Variants in BEST1 observed in about 807,000 individuals in gnomAD.
The protein encoded by BEST1 is bestrophin 1, also known as bestrophin-1.
BEST1 carries 58 observed loss-of-function variants against 63.3 expected under a neutral mutation model. That is an observed-to-expected ratio of 0.92 (90% CI 0.74 to 1.14). The LOEUF is 1.14. BEST1 is among the 50% of genes most tolerant of loss of function. BEST1 has a pLI of 0.00. For missense variants in BEST1, 671 were observed against 740.1 expected (o/e 0.91, Z 1.08); for synonymous variants, 283 against 291.6 (o/e 0.97, Z 0.30).
chr11:61,956,101 C>T (rs1941318287), intron 4 of BEST1, 150 bp downstream of exon 4: 3 of 823,596 alleles, frequency 3.6e-6, no homozygotes, highest in African/African-American at 1.7e-5. Flanking sequence ...ATTTGGGGGT[C>T]CAATTGGGCG....
intron 6 of BEST1, among the ~76,000 whole-genome samples, chr11:61,957,691 G>A (rs1051620148): frequency 7.9e-5 from 12 of 152,128 alleles, no homozygotes; most frequent in African/African-American, 2.7e-4. Flanking sequence ...ATTAAAGAGA[G>A]GTTGGCCGGG....
rs195155 is a variant in BEST1 at position 61,964,062 on chromosome 11, G to T, written c.1740-42G>T. The T allele has an allele frequency of 1, 1,611,649 of 1,613,008 alleles. 805,157 individuals are homozygous for T. The highest frequency in any genetic ancestry group is 1 in the East Asian group (44,881 of 44,882). On this transcript the variant is annotated intron_variant, in intron 10 of 10. Transcript: ENST00000378043. Reference sequence around the variant, plus strand: ...AACATTTTGGTATTTGAAATGAAGGGACCTTCCATACTTATGCTGTTAATA... The same window carrying T: ...AACATTTTGGTATTTGAAATGAAGGTACCTTCCATACTTATGCTGTTAATA...
intron 7 of BEST1, 61 bp downstream of exon 7, chr11:61,958,359 C>T: frequency 6.2e-7 from 1 of 1,612,776 alleles, no homozygotes; most frequent in Non-Finnish European, 8.5e-7. Context: ...TGGCCAGCAG[C>T]TGCCTGAGAC....
At chr11:61,954,694 C>A in intron 2 of BEST1, 2 of 670,244 alleles carry the variant, frequency 3.0e-6, no homozygotes, top group Non-Finnish European at 3.7e-6. Flanking sequence ...AACTCTTGGT[C>A]CTGCCTTAGC....
chr11:61,955,596 G>A, intron 3 of BEST1, 122 bp from the exon 4 acceptor site: 1 of 1,205,240 alleles, frequency 8.3e-7, no homozygotes, highest in African/African-American at 1.5e-5. Context: ...TTCCAGGAGG[G>A]CTGGGGGCTA....
downstream of BEST1, chr11:61,964,569 T>TA (rs1328211190): frequency 2.4e-6 from 2 of 845,628 alleles, no homozygotes; most frequent in Non-Finnish European, 3.8e-6. Context: ...AACACCTGGG[T>TA]ACCAAATTTC....
intron 9 of BEST1, 37 bp downstream of exon 9, chr11:61,960,080 T>G (rs1456800981): frequency 6.3e-7 from 1 of 1,596,756 alleles, no homozygotes; most frequent in Non-Finnish European, 8.5e-7. Flanking sequence ...GGGAAGCCCC[T>G]CCTAGTGCAG....
At chr11:61,955,487 C>A in intron 3 of BEST1, 3 of 1,204,320 alleles carry the variant, frequency 2.5e-6, no homozygotes, top group South Asian at 3.2e-5. Context: ...GGGGGTCTGG[C>A]GGATTTCTGG....
rs1941602345 is a variant in BEST1 at position 61,958,153 on chromosome 11, CTG to C, written c.725_726del (p.Val242GlyfsTer26). 5 of 1,269,646 alleles carry C rather than the reference CTG, an allele frequency of 3.9e-6. No individual in the cohort carries two copies. The highest frequency in any genetic ancestry group is 5.6e-6 in the Non-Finnish European group (5 of 900,324). The allele number at this position is 1,269,646 out of a possible 1,614,324, so 78.6% of individuals were successfully genotyped here. On this transcript the variant is annotated frameshift_variant, in exon 7 of 11. Transcript: ENST00000378043. LOFTEE classifies it high-confidence loss of function. ...TCCTCCTCCTCCTCCCAGGTGGTGACTGTGGCGGTGTACAGCTTCTTCCTGAC... is the reference window on the plus strand; with the variant it reads ...TCCTCCTCCTCCTCCCAGGTGGTGACTGGCGGTGTACAGCTTCTTCCTGAC...
At chr11:61,962,111 G>A (rs1942125641) in intron 9 of BEST1, 144 bp from the exon 10 acceptor site, 8 of 791,524 alleles carry the variant, frequency 1.0e-5, no homozygotes, top group Non-Finnish European at 1.7e-5. Flanking sequence ...TCAGGAGAGA[G>A]GTGAGAGCTG....
intron 9 of BEST1, chr11:61,960,292 G>A (rs2134457755): frequency 1.7e-6 from 1 of 592,862 alleles, no homozygotes; most frequent in South Asian, 2.0e-5. Context: ...CTACCAAATG[G>A]TGCATTTGCT....
intron 3 of BEST1, 72 bp from the exon 4 acceptor site, chr11:61,955,646 G>C (rs924909007): frequency 6.8e-7 from 1 of 1,466,884 alleles, no homozygotes; most frequent in Non-Finnish European, 9.3e-7. Flanking sequence ...CCGAGGCATC[G>C]CCGGGCGCTG....
At chr11:61,965,510 G>C (rs1181871174), downstream of BEST1, 2 of 1,601,142 alleles carry the variant, frequency 1.2e-6, no homozygotes, top group Non-Finnish European at 1.7e-6. Context: ...GGTCAAAGTA[G>C]TAAGACTGAA....
chr11:61,952,085 G>GT (rs1940736569), intron 2 of BEST1, 127 bp downstream of exon 2: 2 of 1,224,696 alleles, frequency 1.6e-6, no homozygotes, highest in Non-Finnish European at 2.4e-6. Flanking sequence ...CTGAGCTCCT[G>GT]ACCAGGTCCT....
At chr11:61,965,444 C>T, downstream of BEST1, 2 of 1,612,478 alleles carry the variant, frequency 1.2e-6, no homozygotes, top group Non-Finnish European at 1.7e-6. Context: ...GTTCCCTCTC[C>T]TCATGAGATT....
chr11:61,959,404 G>T, intron 7 of BEST1, 94 bp from the exon 8 acceptor site: 1 of 1,225,002 alleles, frequency 8.2e-7, no homozygotes, highest in East Asian at 2.4e-5. Context: ...AGGGCGTCAT[G>T]GGGTGTGGAA....
At position 61,958,283 on chromosome 11, in the gene BEST1, T is replaced by C. The variant is rs199745000; in HGVS notation, c.852T>C (p.Tyr284=). 8.1e-6 allele frequency: 13 copies of C among 1,614,236 alleles called. No homozygotes were observed. The African/African-American group carries it at 1.2e-4, about 15-fold the overall frequency. The change falls in exon 7 of 11, where the codon TAT becomes TAC. Residue 284 remains tyrosine, a synonymous_variant. Transcript: ENST00000378043. The part of the protein sequence containing the change: ...PVFTFLQFFF[Y]VGWLKVAEQL... ...TCACGTTCCTGCAGTTCTTCTTCTA[T>C]GTTGGCTGGCTGAAGGTGGGCCTCT...
chr11:61,958,550 ACT>A lies in BEST1; in HGVS notation c.867+255_867+256del, dbSNP rs535448954. ...ACTCCAGCCTGGGCAAAAGAATGAA[ACT>A]CTATCTCAAAAACAACAACAACAAC... is the stretch of plus-strand genomic sequence containing the variant. On this transcript the variant is annotated intron_variant, in intron 7 of 10. Coordinates refer to ENST00000378043, the MANE Select transcript of BEST1 (RefSeq NM_004183.4). The A allele has an allele frequency of 4.7e-4, 422 of 904,644 alleles. 1 individual carries two copies. The African/African-American group carries it at 6.2e-3, about 13-fold the overall frequency. The allele number at this position is 904,644 out of a possible 1,614,324, so 56.0% of individuals were successfully genotyped here. A position where few individuals can be genotyped will look rare whatever the true frequency, so the allele number is the denominator to read the frequency against.
chr11:61,962,044 T>C (rs1325428489), intron 9 of BEST1: 13 of 605,454 alleles, frequency 2.1e-5, no homozygotes, highest in Non-Finnish European at 3.8e-5. Context: ...CAAGAGGGAA[T>C]CAACAAACAG....
Sources: gnomAD v4.1 joint callset for allele counts (sites outside exome capture counted in the v4.1 genomes callset) on GRCh38, gnomAD v4.1.1 for gene constraint, MANE v1.5 for transcripts, NCBI Gene and HGNC (gene_info 2026-07-23, HGNC 2026-07-21) for gene names.